Variants in ERG observed in about 807,000 individuals in gnomAD.
ERG encodes ETS transcription factor ERG, also known as transcriptional regulator ERG.
In ERG, 9 loss-of-function variants were observed where a neutral mutation model predicts 55.3. The ratio of observed to expected loss-of-function variants is 0.16; its 90% CI spans 0.10 to 0.28. The LOEUF is 0.28. ERG is among the 10% of genes least tolerant of loss of function. ERG has a pLI of 1.00. For synonymous variants in ERG, 223 were observed against 237.3 expected, an observed-to-expected ratio of 0.94 and a Z score of 0.55; for missense variants, 434 against 631.6, an observed-to-expected ratio of 0.69 and a Z score of 3.35.
intron 9 of ERG, 102 bp downstream of exon 9, chr21:38,390,893 C>T: frequency 1.1e-6 from 1 of 895,484 alleles, no homozygotes; most frequent in Non-Finnish European, 1.8e-6. Flanking sequence ...AAACTAAAAT[C>T]TGTTCAGTTG....
downstream of ERG, among the ~76,000 whole-genome samples, chr21:38,376,435 T>C (rs567431946): frequency 6.6e-6 from 1 of 152,344 alleles, no homozygotes; most frequent in Admixed American, 6.5e-5. Flanking sequence ...AAACCGGTTC[T>C]GGTCTCTGTC....
Position 38,646,099 on chromosome 21 carries a change from C to A in ERG, c.-150+15559G>T, listed in dbSNP as rs140299543. ...TTCGAGACCAGCCTAGCCAACAGGACGAAACCCTGTCTCTACTAAAAATAT... is the reference window on the plus strand; with the variant it reads ...TTCGAGACCAGCCTAGCCAACAGGAAGAAACCCTGTCTCTACTAAAAATAT... On this transcript the variant is annotated intron_variant, in intron 1 of 10. Coordinates refer to the ERG transcript ENST00000398910. Among the ~76,000 whole-genome samples the A allele has an allele frequency of 3.3e-5, 5 of 151,986 alleles. No individual in the cohort carries two copies. In the East Asian group the frequency reaches 9.7e-4, roughly 29 times the overall value.
intron 2 of ERG, among the ~76,000 whole-genome samples, chr21:38,524,477 T>C (rs1480066573): frequency 2.6e-5 from 4 of 152,236 alleles, no homozygotes; most frequent in African/African-American, 9.6e-5. Flanking sequence ...AGCTAAATTA[T>C]CTATCTGCAC....
chr21:38,376,795 G>A (rs1306485303), downstream of ERG, among the ~76,000 whole-genome samples: 1 of 152,246 alleles, frequency 6.6e-6, no homozygotes, highest in Admixed American at 6.5e-5. Flanking sequence ...CTGGGACTCC[G>A]TCCAGAAGAG....
intron 1 of ERG, among the ~76,000 whole-genome samples, chr21:38,659,202 A>T (rs1601364815): frequency 6.6e-6 from 1 of 152,238 alleles, no homozygotes; most frequent in Non-Finnish European, 1.5e-5. Flanking sequence ...AGCATTTGTG[A>T]TGTGTGTAGC....
intron 1 of ERG, among the ~76,000 whole-genome samples, chr21:38,483,631 G>A (rs2059257608): frequency 1.3e-5 from 2 of 152,004 alleles, no homozygotes; most frequent in South Asian, 2.1e-4. Context: ...GGTGGATCAC[G>A]AGGTCAGGAG....
intron 2 of ERG, among the ~76,000 whole-genome samples, chr21:38,506,315 C>G (rs1005545565): frequency 6.6e-6 from 1 of 152,134 alleles, no homozygotes; most frequent in Non-Finnish European, 1.5e-5. Flanking sequence ...ACAATACTGA[C>G]GTCAGTGCTA....
intron 1 of ERG, among the ~76,000 whole-genome samples, chr21:38,625,105 T>G (rs866307390): frequency 6.6e-6 from 1 of 152,160 alleles, no homozygotes; most frequent in African/African-American, 2.4e-5. Flanking sequence ...CTTCATCCTT[T>G]GAGAATTTTT....
chr21:38,367,819 G>A, the ERG span, among the ~76,000 whole-genome samples: 1 of 152,120 alleles, frequency 6.6e-6, no homozygotes, highest in Admixed American at 6.6e-5. Flanking sequence ...GAAACCTACG[G>A]TACAGAGAGT....
At chr21:38,413,156 G>C (rs990344660) in intron 3 of ERG, among the ~76,000 whole-genome samples, 4 of 152,162 alleles carry the variant, frequency 2.6e-5, no homozygotes, top group Non-Finnish European at 4.4e-5. Context: ...ACAACCAGGT[G>C]TCAACATAAG....
intron 1 of ERG, among the ~76,000 whole-genome samples, chr21:38,491,045 T>C (rs1444880864): frequency 6.6e-6 from 1 of 152,090 alleles, no homozygotes; most frequent in African/African-American, 2.4e-5. Context: ...GACTACGCAA[T>C]GCAAAACCAC....
upstream of ERG, among the ~76,000 whole-genome samples, chr21:38,589,843 C>A (rs888820097): frequency 6.6e-6 from 1 of 152,066 alleles, no homozygotes; most frequent in Non-Finnish European, 1.5e-5. Flanking sequence ...AATGCATTTT[C>A]CTTGTTAACT....
chr21:38,378,375 A>G (rs555808316), downstream of ERG, among the ~76,000 whole-genome samples: 1 of 152,226 alleles, frequency 6.6e-6, no homozygotes, highest in Non-Finnish European at 1.5e-5. Flanking sequence ...TGACCATTCC[A>G]TCTGGACCTC....
intron 2 of ERG, among the ~76,000 whole-genome samples, chr21:38,538,695 T>G (rs2059729319): frequency 6.6e-6 from 1 of 152,164 alleles, no homozygotes; most frequent in Admixed American, 6.5e-5. Flanking sequence ...TTCAACTATA[T>G]GGCCAAACAT....
intron 2 of ERG, among the ~76,000 whole-genome samples, chr21:38,548,744 G>A (rs934595229): frequency 1.3e-5 from 2 of 148,918 alleles, no homozygotes; most frequent in Non-Finnish European, 3.0e-5. Context: ...GATTACAGGC[G>A]TGAGCCACCG....
chr21:38,464,810 T>G (rs375012423), intron 1 of ERG, among the ~76,000 whole-genome samples: 5 of 151,970 alleles, frequency 3.3e-5, no homozygotes, highest in African/African-American at 9.7e-5. Flanking sequence ...TGAGAACATG[T>G]GGTGTTTGGT....
intron 1 of ERG, among the ~76,000 whole-genome samples, chr21:38,473,159 C>CAAA (rs33994175): frequency 7.9e-4 from 84 of 105,998 alleles, no homozygotes; most frequent in African/African-American, 3.1e-3. Flanking sequence ...AGGATGCGCT[C>CAAA]AAAAAAAAAA....
chr21:38,369,297 A>G, the ERG span, among the ~76,000 whole-genome samples: 2 of 152,106 alleles, frequency 1.3e-5, no homozygotes, highest in African/African-American at 2.4e-5. Flanking sequence ...TGACTTTTTA[A>G]TAATAGCCAT....
intron 2 of ERG, among the ~76,000 whole-genome samples, chr21:38,517,280 T>C (rs1213301599): frequency 6.6e-6 from 1 of 151,540 alleles, no homozygotes; most frequent in Non-Finnish European, 1.5e-5. Flanking sequence ...AAGAAAACTT[T>C]TACAAAGTGG....
Sources: allele counts gnomAD v4.1 joint callset (sites outside exome capture counted in the v4.1 genomes callset), GRCh38; gene constraint gnomAD v4.1.1; transcripts MANE v1.5; gene names NCBI Gene and HGNC (gene_info 2026-07-23, HGNC 2026-07-21).